The following EXOC6B variants were observed in gnomAD, a reference collection of about 807,000 sequenced individuals.
The protein encoded by EXOC6B is exocyst complex component 6B.
A neutral mutation model predicts 113.5 loss-of-function variants in EXOC6B; 54 were observed. That is an observed-to-expected ratio of 0.48 (90% confidence interval 0.38 to 0.60). EXOC6B has a LOEUF of 0.60. Among genes scored for constraint, EXOC6B ranks in the 20% least tolerant of loss-of-function variants. The probability of loss-of-function intolerance (pLI) is 0.00; values close to 1 mark genes in which losing one functional copy is unlikely to be tolerated. For synonymous variants in EXOC6B, 357 were observed against 339.0 expected (o/e 1.05, Z -0.58); for missense variants, 797 against 977.5 (o/e 0.82, Z 2.46).
intron 6 of EXOC6B, among the ~76,000 whole-genome samples, chr2:72,671,795 G>GAAAGAAAGAAAGAAAGAA (rs1553464094): frequency 2.0e-4 from 23 of 114,338 alleles, no homozygotes; most frequent in African/African-American, 7.7e-4. Context: ...AAGAAAGAAA[G>GAAAGAAAGAAAGAAAGAA]AAAGAAAGAA....
At chr2:72,291,817 T>C (rs1460702847) in intron 20 of EXOC6B, among the ~76,000 whole-genome samples, 1 of 152,202 alleles carries the variant, frequency 6.6e-6, no homozygotes, top group African/African-American at 2.4e-5. Context: ...TAGTAGCTAA[T>C]GACACAGGCT....
At chr2:72,657,567 C>CTT (rs70963136) in intron 6 of EXOC6B, among the ~76,000 whole-genome samples, 2,951 of 50,414 alleles carry the variant, frequency 0.059, 486 homozygotes, top group Admixed American at 0.067. Context: ...CTTTCCTTTT[C>CTT]TTTTTTTTTT....
chr2:72,219,834 T>C (rs1416027110), intron 20 of EXOC6B, among the ~76,000 whole-genome samples: 1 of 152,184 alleles, frequency 6.6e-6, no homozygotes, highest in East Asian at 1.9e-4. Context: ...TTGTAATTGG[T>C]AGTACAAAGA....
chr2:72,707,676 T>G (rs1678977652), intron 6 of EXOC6B, among the ~76,000 whole-genome samples: 1 of 152,164 alleles, frequency 6.6e-6, no homozygotes, highest in Admixed American at 6.5e-5. Flanking sequence ...CCTCCCAAAG[T>G]GCTGGGATTA....
chr2:72,775,442 G>A (rs1683641018), intron 1 of EXOC6B, among the ~76,000 whole-genome samples: 1 of 152,158 alleles, frequency 6.6e-6, no homozygotes, highest in African/African-American at 2.4e-5. Flanking sequence ...TGCAGTTTAG[G>A]AATTCTGTGC....
intron 1 of EXOC6B, among the ~76,000 whole-genome samples, chr2:72,764,575 C>A (rs145823054): frequency 6.6e-6 from 1 of 151,678 alleles, no homozygotes; most frequent in Non-Finnish European, 1.5e-5. Flanking sequence ...CACTATGTTA[C>A]GCAGGTTGGT....
At chr2:72,724,706 AAAAC>A (rs1680203798) in intron 5 of EXOC6B, among the ~76,000 whole-genome samples, 1 of 152,228 alleles carries the variant, frequency 6.6e-6, no homozygotes, top group Non-Finnish European at 1.5e-5. Flanking sequence ...TATGTAAAGA[AAAAC>A]AAATAATAAA....
At chr2:72,420,234 G>T (rs991682558) in intron 18 of EXOC6B, among the ~76,000 whole-genome samples, 1 of 151,580 alleles carries the variant, frequency 6.6e-6, no homozygotes, top group Non-Finnish European at 1.5e-5. Context: ...AGTTCTTTGA[G>T]AATCTTTTTT....
At chr2:72,194,569 TTCTCTC>T (rs141826011) in intron 20 of EXOC6B, among the ~76,000 whole-genome samples, 57 of 143,896 alleles carry the variant, frequency 4.0e-4, no homozygotes, top group African/African-American at 1.2e-3. Context: ...GGTGAATGAT[TTCTCTC>T]TCTCTCTCTC....
intron 20 of EXOC6B, among the ~76,000 whole-genome samples, chr2:72,192,123 T>G (rs187958569): frequency 3.3e-5 from 5 of 152,298 alleles, no homozygotes; most frequent in African/African-American, 1.2e-4. Context: ...TCTTGGGATA[T>G]GAGCCTCATC....
chr2:72,455,189 T>C (rs1697146977), intron 18 of EXOC6B, among the ~76,000 whole-genome samples: 1 of 152,204 alleles, frequency 6.6e-6, no homozygotes, highest in Non-Finnish European at 1.5e-5. Context: ...CTTTATTTTG[T>C]TCCAGAGAAA....
chr2:72,363,625 T>TGATGAC (rs1185331658), intron 19 of EXOC6B, among the ~76,000 whole-genome samples: 1 of 151,940 alleles, frequency 6.6e-6, no homozygotes, highest in African/African-American at 2.4e-5. Flanking sequence ...ATGATGATGA[T>TGATGAC]GACAAAAATA....
chr2:72,367,944 T>G lies in EXOC6B; in HGVS notation c.2122+11785A>C, dbSNP rs540774479. 6.3e-3 allele frequency among the ~76,000 whole-genome samples: 962 copies of G among 152,256 alleles called. 5 individuals carry two copies. Among genetic ancestry groups the G allele is most frequent in the Non-Finnish European group, 9.8e-3 (666 of 68,028 alleles). On this transcript the variant is annotated intron_variant, in intron 19 of 21. Transcript: ENST00000272427. ...CACAGGCCAACATGCTCTGCGGTCT[T>G]GAGTAAACTTGAAAGACAGTCTAGA...
At chr2:72,385,807 G>A (rs377582232) in intron 18 of EXOC6B, among the ~76,000 whole-genome samples, 6 of 152,064 alleles carry the variant, frequency 3.9e-5, no homozygotes, top group African/African-American at 1.4e-4. Flanking sequence ...AAACCACAAT[G>A]AGATACCACC....
intron 6 of EXOC6B, among the ~76,000 whole-genome samples, chr2:72,710,069 T>TA (rs1679178226): frequency 6.6e-6 from 1 of 152,148 alleles, no homozygotes; most frequent in African/African-American, 2.4e-5. Context: ...CGTGCCCAGC[T>TA]AATTTTTTGT....
chr2:72,511,682 A>G (rs1700907412), intron 11 of EXOC6B, among the ~76,000 whole-genome samples: 1 of 152,120 alleles, frequency 6.6e-6, no homozygotes. Context: ...CATTCCATTC[A>G]GCCCACTGTT....
At chr2:72,218,256 T>C (rs1476123323) in intron 20 of EXOC6B, among the ~76,000 whole-genome samples, 2 of 152,240 alleles carry the variant, frequency 1.3e-5, no homozygotes, top group African/African-American at 4.8e-5. Flanking sequence ...GCAAGGTGAA[T>C]GTTTCAGGTT....
At chr2:72,771,569 A>C (rs1683405924) in intron 1 of EXOC6B, among the ~76,000 whole-genome samples, 1 of 152,226 alleles carries the variant, frequency 6.6e-6, no homozygotes, top group Non-Finnish European at 1.5e-5. Flanking sequence ...TTCCTACTGG[A>C]AAGTATCCAG....
At chr2:72,322,692 T>C (rs1572911593) in intron 20 of EXOC6B, among the ~76,000 whole-genome samples, 2 of 152,080 alleles carry the variant, frequency 1.3e-5, no homozygotes, top group Admixed American at 1.3e-4. Flanking sequence ...ACCATACATC[T>C]ATAACCATCT....
Sources: allele counts gnomAD v4.1 joint callset (sites outside exome capture counted in the v4.1 genomes callset), GRCh38; gene constraint gnomAD v4.1.1; transcripts MANE v1.5; gene names NCBI Gene and HGNC (gene_info 2026-07-23, HGNC 2026-07-21).